The following MARCHF4 variants were observed in gnomAD, a reference collection of about 807,000 sequenced individuals.
MARCHF4 encodes E3 ubiquitin-protein ligase MARCHF4.
A neutral mutation model predicts 43.9 loss-of-function variants in MARCHF4; 14 were observed. The observed-to-expected ratio is 0.32, with a 90% CI of 0.21 to 0.50. MARCHF4 has a LOEUF of 0.50. MARCHF4 is among the 20% of genes least tolerant of loss of function. The probability of loss-of-function intolerance (pLI) is 0.98; values close to 1 mark genes in which losing one functional copy is unlikely to be tolerated. For synonymous variants in MARCHF4, 226 were observed against 213.3 expected (o/e 1.06, Z -0.52); for missense variants, 468 against 536.7 (o/e 0.87, Z 1.27).
intron 1 of MARCHF4, among the ~76,000 whole-genome samples, chr2:216,324,583 C>T (rs1384308603): frequency 7.3e-5 from 11 of 151,364 alleles, no homozygotes; most frequent in East Asian, 3.9e-4. Context: ...ACTGGCAAAC[C>T]GAATCCAGCA....
chr2:216,303,067 G>C (rs1475979167), intron 1 of MARCHF4, among the ~76,000 whole-genome samples: 1 of 151,940 alleles, frequency 6.6e-6, no homozygotes, highest in African/African-American at 2.4e-5. Context: ...CTTCATTGAG[G>C]AATAAAACAT....
intron 1 of MARCHF4, among the ~76,000 whole-genome samples, chr2:216,307,479 G>A (rs1161933166): frequency 1.3e-5 from 2 of 152,104 alleles, no homozygotes; most frequent in Non-Finnish European, 2.9e-5. Flanking sequence ...AAAGATGGGA[G>A]TGAGCAAGGG....
At chr2:216,306,850 C>A (rs1228123844) in intron 1 of MARCHF4, among the ~76,000 whole-genome samples, 2 of 150,972 alleles carry the variant, frequency 1.3e-5, no homozygotes, top group Non-Finnish European at 3.0e-5. Context: ...CCTTTTTTTT[C>A]CCCTACTGTA....
chr2:216,332,962 T>TA (rs1157646206), intron 1 of MARCHF4, among the ~76,000 whole-genome samples: 5 of 152,098 alleles, frequency 3.3e-5, no homozygotes. Flanking sequence ...TGCATATCCA[T>TA]ACCAAAAAAA....
At chr2:216,344,102 T>C (rs1340134506) in intron 1 of MARCHF4, among the ~76,000 whole-genome samples, 4 of 152,066 alleles carry the variant, frequency 2.6e-5, no homozygotes, top group Non-Finnish European at 1.5e-5. Flanking sequence ...CAGAAGATAG[T>C]CTTACTATGA....
intron 1 of MARCHF4, among the ~76,000 whole-genome samples, chr2:216,354,948 T>TTTCTTTC (rs1692470543): frequency 6.9e-6 from 1 of 144,408 alleles, no homozygotes; most frequent in African/African-American, 2.6e-5. Context: ...TCTTTCTTTC[T>TTTCTTTC]TTCTTTCTTT....
chr2:216,270,906 T>C (rs1690924962), intron 3 of MARCHF4, among the ~76,000 whole-genome samples: 1 of 152,198 alleles, frequency 6.6e-6, no homozygotes, highest in Admixed American at 6.5e-5. Context: ...ACTCTATTTC[T>C]TGCTTAGCCT....
rs560083970 is a variant in MARCHF4, at chr2:216,305,766, A to G, written c.517-22037T>C. Among the ~76,000 whole-genome samples, 25 of 152,298 alleles carry G rather than the reference A, an allele frequency of 1.6e-4. No individual in the cohort carries two copies. In the South Asian group the frequency reaches 5.0e-3, roughly 30 times the overall value. ...CCCATATGGAGATGGAGCAACTTGC[A>G]TCATCCTGGTCATATAAAAGAAATC... is the stretch of plus-strand genomic sequence containing the variant. On this transcript the variant is annotated intron_variant, in intron 1 of 3. Coordinates refer to ENST00000273067, the MANE Select transcript of MARCHF4 (RefSeq NM_020814.3).
At chr2:216,292,489 G>C (rs1270898722) in intron 1 of MARCHF4, among the ~76,000 whole-genome samples, 2 of 152,214 alleles carry the variant, frequency 1.3e-5, no homozygotes, top group Non-Finnish European at 2.9e-5. Flanking sequence ...TGGATTTGTG[G>C]AGAAGAATAA....
chr2:216,357,850 CT>C (rs1381486112), intron 1 of MARCHF4, among the ~76,000 whole-genome samples: 2 of 152,216 alleles, frequency 1.3e-5, no homozygotes, highest in East Asian at 3.9e-4. Context: ...GTAAGTATAT[CT>C]GTGAGATCAT....
At chr2:216,275,155 T>C (rs1690999660) in intron 3 of MARCHF4, among the ~76,000 whole-genome samples, 1 of 152,150 alleles carries the variant, frequency 6.6e-6, no homozygotes, top group Non-Finnish European at 1.5e-5. Flanking sequence ...TCCCAATAAA[T>C]TGAAGGACTG....
intron 1 of MARCHF4, among the ~76,000 whole-genome samples, chr2:216,343,038 CT>C (rs2105975373): frequency 6.6e-6 from 1 of 152,278 alleles, no homozygotes; most frequent in East Asian, 1.9e-4. Context: ...AACTGTCCCC[CT>C]GTCCCAAAGG....
At chr2:216,342,565 T>A (rs959305035) in intron 1 of MARCHF4, among the ~76,000 whole-genome samples, 7 of 151,824 alleles carry the variant, frequency 4.6e-5, no homozygotes, top group Non-Finnish European at 2.9e-5. Context: ...GCAGGAATGG[T>A]GGGAAGGGGT....
rs1214830803 is a variant in MARCHF4, at chr2:216,370,163, C to T, written c.98G>A (p.Arg33His). The change falls in exon 1 of 4, where the codon CGC becomes CAC. Residue 33 changes from arginine (R) to histidine (H), a missense_variant. Arg to His is a conservative substitution (Grantham distance 29). Around this residue, in one of 3 missense-constraint regions of MARCHF4, gnomAD observed 190 missense variants for 158.5 expected, o/e 1.20. Coordinates refer to ENST00000273067, the MANE Select transcript of MARCHF4 (RefSeq NM_020814.3). ...GLCAPAPQMLRHQGLLKCRCR... is the reference protein window; with the variant it reads ...GLCAPAPQMLHHQGLLKCRCR... ...GCGGCACTTGAGGAGACCCTGGTGG[C>T]GCAACATCTGGGGGGCTGGGGCACA... The T allele has an allele frequency of 7.4e-6, 12 of 1,610,742 alleles. No individual in the cohort carries two copies. In the East Asian group the frequency reaches 1.6e-4, roughly 21 times the overall value.
intron 1 of MARCHF4, among the ~76,000 whole-genome samples, chr2:216,344,127 T>A (rs1278546372): frequency 6.6e-6 from 1 of 152,176 alleles, no homozygotes; most frequent in Non-Finnish European, 1.5e-5. Context: ...GGAAATGTTG[T>A]GTTAGTTATA....
At chr2:216,354,891 TTTTCTTTCTTTCTTTC>T (rs71054468) in intron 1 of MARCHF4, among the ~76,000 whole-genome samples, 2,608 of 86,644 alleles carry the variant, frequency 0.03, 160 homozygotes, top group African/African-American at 0.048. Flanking sequence ...TTAATAATTG[TTTTCTTTCTTTCTTTC>T]TTTCTTTCTT....
At chr2:216,304,984 T>A (rs760968474) in intron 1 of MARCHF4, among the ~76,000 whole-genome samples, 13 of 152,050 alleles carry the variant, frequency 8.5e-5, no homozygotes, top group Non-Finnish European at 1.6e-4. Flanking sequence ...ATAGACTGCA[T>A]GGAAGTCATT....
At chr2:216,265,980 TA>T (rs1174996083) in intron 3 of MARCHF4, 17 of 152,236 alleles carry the variant, frequency 1.1e-4, no homozygotes, top group African/African-American at 4.1e-4. Context: ...ACATGGTTTT[TA>T]TTCCTCATAG....
intron 3 of MARCHF4, among the ~76,000 whole-genome samples, chr2:216,268,960 T>A (rs1033168563): frequency 5.9e-5 from 9 of 152,094 alleles, no homozygotes; most frequent in African/African-American, 2.2e-4. Context: ...AATTCCTTCA[T>A]CTCAGAGGAC....
Sources: allele counts gnomAD v4.1 joint callset (sites outside exome capture counted in the v4.1 genomes callset), GRCh38; gene constraint gnomAD v4.1.1; regional missense constraint gnomAD v4.1.1; transcripts MANE v1.5; gene names NCBI Gene and HGNC (gene_info 2026-07-23, HGNC 2026-07-21).